Variants in HAUS6 observed in about 807,000 individuals in gnomAD.
HAUS6 encodes HAUS augmin like complex subunit 6, also known as HAUS augmin-like complex subunit 6.
HAUS6 carries 80 observed loss-of-function variants against 106.8 expected under a neutral mutation model. The ratio of observed to expected loss-of-function variants is 0.75; its 90% CI spans 0.63 to 0.90. HAUS6 has a LOEUF of 0.90. Ranked by LOEUF, HAUS6 falls within the 40% of genes least tolerant of loss-of-function variation. The pLI is 0.00. For synonymous variants in HAUS6, 356 were observed against 379.1 expected (o/e 0.94, Z 0.71); for missense variants, 1,155 against 1,118.1 (o/e 1.03, Z -0.47).
Position 19,102,853 on chromosome 9 carries a change from G to GGCCACCACTGCCTCAGCGAA in HAUS6, c.-222_-203dup. 2.1e-6 allele frequency: 1 copy of GGCCACCACTGCCTCAGCGAA among 482,852 alleles called. No homozygotes were observed. The highest frequency in any genetic ancestry group is 3.7e-6 in the Non-Finnish European group (1 of 273,864). The allele number at this position is 482,852 out of a possible 1,614,324, so 29.9% of individuals were successfully genotyped here. ...AATTGAGTTTCTAACGGTATAGTGCGGCCACCACTGCCTCAGCGAAGCCAC... is the reference window on the plus strand; with the variant it reads ...AATTGAGTTTCTAACGGTATAGTGCGGCCACCACTGCCTCAGCGAAGCCACCACTGCCTCAGCGAAGCCAC... On this transcript the variant is annotated 5_prime_UTR_variant, in exon 1 of 17. Coordinates refer to ENST00000380502, the MANE Select transcript of HAUS6 (RefSeq NM_017645.5).
In HAUS6 at chr9:19,074,812, C is replaced by T. The variant is rs149118898; in HGVS notation, c.1294+1790G>A. On this transcript the variant is annotated intron_variant, in intron 11 of 16. Transcript: ENST00000380502. ...AAAATTTGTTTTTTATTCATTCATT[C>T]CTTATCTATCCTCTATTTACAGAAC... Among the ~76,000 whole-genome samples the T allele has an allele frequency of 2.6e-3, 401 of 152,258 alleles. 2 individuals carry two copies. The highest frequency in any genetic ancestry group is 9.4e-3 in the African/African-American group (389 of 41,566).
At chr9:19,067,269 A>G (rs1209087726) in intron 12 of HAUS6, among the ~76,000 whole-genome samples, 1 of 152,198 alleles carries the variant, frequency 6.6e-6, no homozygotes, top group Non-Finnish European at 1.5e-5. Flanking sequence ...ATCTTCTTTC[A>G]TTAAGTACAG....
intron 13 of HAUS6, 67 bp from the exon 14 acceptor site, chr9:19,063,260 T>C: frequency 3.9e-6 from 4 of 1,027,478 alleles, no homozygotes; most frequent in Non-Finnish European, 5.7e-6. Flanking sequence ...CTGTCTTCAT[T>C]AGCAGTTCAC....
In HAUS6 at chr9:19,062,832, T is replaced by C. The variant is rs534187308; in HGVS notation, c.1629+176A>G. ...AGAGACACGCCCCCATGCTCAACTG[T>C]TTTTTTAATTTTTTTGTAGAGATGG... On this transcript the variant is annotated intron_variant, in intron 14 of 16. Coordinates refer to ENST00000380502, the MANE Select transcript of HAUS6 (RefSeq NM_017645.5). Among the ~76,000 whole-genome samples the C allele has an allele frequency of 2.0e-5, 3 of 152,212 alleles. No homozygotes were observed. In the East Asian group the frequency reaches 5.8e-4, roughly 29 times the overall value.
chr9:19,062,125 G>T (rs867814312), intron 14 of HAUS6, among the ~76,000 whole-genome samples: 3 of 152,192 alleles, frequency 2.0e-5, no homozygotes, highest in Admixed American at 6.5e-5. Flanking sequence ...CTGAGCAATG[G>T]TAGTATTGTG....
chr9:19,078,140 TGGCGG>T, intron 10 of HAUS6, 31 bp downstream of exon 10: 1 of 1,357,972 alleles, frequency 7.4e-7, no homozygotes. Flanking sequence ...AAAAGGTGGG[TGGCGG>T]GGAGGGCAGG....
chr9:19,063,823 A>G (rs1836693100), intron 12 of HAUS6: 1 of 678,338 alleles, frequency 1.5e-6, no homozygotes, highest in Non-Finnish European at 2.8e-6. Context: ...CTGAGTCAAC[A>G]ATATTTTGAT....
chr9:19,079,400 T>A (rs1029867840), intron 9 of HAUS6, among the ~76,000 whole-genome samples: 1 of 151,240 alleles, frequency 6.6e-6, no homozygotes, highest in African/African-American at 2.4e-5. Context: ...CCTGGCTAAT[T>A]GTGTCTTTTT....
rs1817641737 is a variant in HAUS6, at chr9:19,087,762, GAGC to G, written c.585-609_585-607del. ...CCCAGCTACAGTGGGAAGATCACTT[GAGC>G]CCAGGAGGTCAAGGCTGCCGTGAGT... On this transcript the variant is annotated intron_variant, in intron 5 of 16. Transcript: ENST00000380502. Among the ~76,000 whole-genome samples the G allele has an allele frequency of 3.4e-5, 5 of 145,424 alleles. No individual in the cohort carries two copies. The South Asian group carries it at 1.1e-3, about 33-fold the overall frequency.
At chr9:19,067,793 A>T (rs1836794689) in intron 12 of HAUS6, among the ~76,000 whole-genome samples, 1 of 152,058 alleles carries the variant, frequency 6.6e-6, no homozygotes, top group Non-Finnish European at 1.5e-5. Flanking sequence ...GGTTCAAGCA[A>T]TTCTCCTGTC....
At chr9:19,057,767 A>G (rs987200941) in intron 16 of HAUS6, 194 bp downstream of exon 16, 4 of 426,866 alleles carry the variant, frequency 9.4e-6, no homozygotes, top group Non-Finnish European at 1.7e-5. Context: ...TCTCAAATCA[A>G]TTGTAACTAT....
intron 9 of HAUS6, 60 bp downstream of exon 9, chr9:19,080,419 T>C: frequency 9.4e-7 from 1 of 1,060,454 alleles, no homozygotes; most frequent in African/African-American, 1.6e-5. Context: ...CTTATACAAG[T>C]TTTGTTGAGA....
intron 15 of HAUS6, among the ~76,000 whole-genome samples, chr9:19,059,771 T>C (rs7027346): frequency 0.41 from 62,184 of 151,984 alleles, 14,247 homozygotes; most frequent in African/African-American, 0.63. Flanking sequence ...AATATGTAGA[T>C]CACAGGTCAG....
rs1180808949 is a variant in HAUS6 at position 19,095,168 on chromosome 9, TA to T, written c.225-774del. Among the ~76,000 whole-genome samples, 9 of 152,094 alleles carry T rather than the reference TA, an allele frequency of 5.9e-5. No homozygotes were observed. In the East Asian group the frequency reaches 1.7e-3, roughly 29 times the overall value. On this transcript the variant is annotated intron_variant, in intron 2 of 16. Coordinates refer to ENST00000380502, the MANE Select transcript of HAUS6 (RefSeq NM_017645.5). ...TCCTTATCATAACTGTGGGTGCTAT[TA>T]TTTTGTGGCTAAACAAGACAGAAAA... is the stretch of plus-strand genomic sequence containing the variant.
At chr9:19,093,129 T>C (rs754241056) in intron 4 of HAUS6, 42 bp downstream of exon 4, 13 of 1,319,770 alleles carry the variant, frequency 9.9e-6, no homozygotes, top group Non-Finnish European at 1.4e-5. Flanking sequence ...ACAATAAAAA[T>C]TTAAGAATCA....
chr9:19,077,612 C>T lies in HAUS6; in HGVS notation c.1191+564G>A, dbSNP rs146905270. Among the ~76,000 whole-genome samples, 589 of 152,222 alleles carry T rather than the reference C, an allele frequency of 3.9e-3. 5 individuals carry two copies. Among genetic ancestry groups the T allele is most frequent in the African/African-American group, 0.014 (568 of 41,552 alleles). Reference sequence around the variant, plus strand: ...AAATATTAACTCTAAATAACAGCAACTTATGGATATTATATTATATATACA... The same window carrying T: ...AAATATTAACTCTAAATAACAGCAATTTATGGATATTATATTATATATACA... On this transcript the variant is annotated intron_variant, in intron 10 of 16. Coordinates refer to ENST00000380502, the MANE Select transcript of HAUS6 (RefSeq NM_017645.5).
chr9:19,061,175 C>T (rs1336039497), intron 14 of HAUS6, among the ~76,000 whole-genome samples: 2 of 152,048 alleles, frequency 1.3e-5, no homozygotes, highest in East Asian at 1.9e-4. Flanking sequence ...AAAAAAATAA[C>T]ATAAATAAAA....
In HAUS6 at chr9:19,058,292, T is replaced by C. The variant is rs1378823386; in HGVS notation, c.2475A>G (p.Glu825=). The C allele has an allele frequency of 5.0e-6, 8 of 1,613,576 alleles. No homozygotes were observed. The highest frequency in any genetic ancestry group is 6.8e-6 in the Non-Finnish European group (8 of 1,179,508). ...DVVGGRQTTP[E]SDFNLQALRS... is the part of the protein sequence containing the mutation. ...GAAGAGCCTGTAAATTAAAGTCTGATTCTGGAGTAGTCTGTCTCCCTCCCA... is the reference window on the plus strand; with the variant it reads ...GAAGAGCCTGTAAATTAAAGTCTGACTCTGGAGTAGTCTGTCTCCCTCCCA... Residue 825 remains glutamate, a synonymous_variant, in exon 16 of 17, where the codon GAA becomes GAG. Transcript: ENST00000380502.
chr9:19,082,568 G>T (rs1564015977), intron 8 of HAUS6, among the ~76,000 whole-genome samples: 2 of 152,100 alleles, frequency 1.3e-5, no homozygotes, highest in African/African-American at 4.8e-5. Flanking sequence ...GACCAACATG[G>T]AGAAACCCCG....
Sources: allele counts gnomAD v4.1 joint callset (sites outside exome capture counted in the v4.1 genomes callset), GRCh38; gene constraint gnomAD v4.1.1; transcripts MANE v1.5; gene names NCBI Gene and HGNC (gene_info 2026-07-23, HGNC 2026-07-21).